Variants in SPATA17 observed in about 807,000 individuals in gnomAD.
The protein encoded by SPATA17 is spermatogenesis-associated protein 17.
Under a neutral mutation model 62.2 loss-of-function variants are expected in SPATA17, and 53 were observed. The ratio of observed to expected loss-of-function variants is 0.85; its 90% CI spans 0.68 to 1.07. The LOEUF (loss-of-function observed/expected upper bound fraction) is 1.07. SPATA17 is among the 50% of genes least tolerant of loss of function. SPATA17 has a pLI of 0.00. For missense variants in SPATA17, 466 were observed against 425.5 expected (o/e 1.10, Z -0.84); for synonymous variants, 146 against 146.8 (o/e 0.99, Z 0.04).
intron 6 of SPATA17, among the ~76,000 whole-genome samples, chr1:217,753,220 C>G (rs920556923): frequency 2.0e-5 from 3 of 152,206 alleles, no homozygotes; most frequent in Non-Finnish European, 2.9e-5. Flanking sequence ...GGCCCCAAAG[C>G]TTAAGCTTCC....
chr1:217,733,015 G>GA (rs368658947), intron 5 of SPATA17, among the ~76,000 whole-genome samples: 101 of 150,122 alleles, frequency 6.7e-4, no homozygotes, highest in East Asian at 2.0e-3. Context: ...GCCAGAAGCA[G>GA]AAAAAAAAAT....
chr1:217,774,370 C>T lies in SPATA17; in HGVS notation c.556C>T (p.Pro186Ser), dbSNP rs138799092. Residue 186 changes from proline (P) to serine (S), a missense_variant, in exon 7 of 11, where the codon CCT (proline) becomes TCT (serine). Transcript: ENST00000366933. ...GIYNSPFRKE[P>S]DPWELQLQKA... ...ATACAATTCACCCTTCAGAAAAGAG[C>T]CTGATCCATGGGAGCTGCAATTACA... The T allele has an allele frequency of 2.0e-5, 32 of 1,613,876 alleles. No individual in the cohort carries two copies. Among genetic ancestry groups the T allele is most frequent in the African/African-American group, 6.7e-5 (5 of 74,916 alleles).
intron 5 of SPATA17, among the ~76,000 whole-genome samples, chr1:217,724,068 T>TA (rs1368518409): frequency 1.3e-5 from 2 of 152,242 alleles, no homozygotes; most frequent in Admixed American, 1.3e-4. Flanking sequence ...CATGACAAGT[T>TA]ACATTTTCTA....
intron 9 of SPATA17, among the ~76,000 whole-genome samples, chr1:217,841,057 T>C (rs1336658461): frequency 6.6e-6 from 1 of 151,882 alleles, no homozygotes; most frequent in African/African-American, 2.4e-5. Context: ...TTTCTTTTGG[T>C]TTTCATAATT....
intron 9 of SPATA17, among the ~76,000 whole-genome samples, chr1:217,860,642 T>C (rs1675880549): frequency 1.3e-5 from 2 of 152,192 alleles, no homozygotes; most frequent in Non-Finnish European, 2.9e-5. Context: ...CTATTTTGTC[T>C]GAAATTAATA....
At chr1:217,752,530 C>G (rs1207188491) in intron 6 of SPATA17, among the ~76,000 whole-genome samples, 2 of 152,100 alleles carry the variant, frequency 1.3e-5, no homozygotes, top group East Asian at 3.8e-4. Flanking sequence ...GTTATACTTT[C>G]TGAAGTGAGA....
intron 10 of SPATA17, among the ~76,000 whole-genome samples, chr1:217,866,254 G>A (rs1676008501): frequency 6.6e-6 from 1 of 152,128 alleles, no homozygotes; most frequent in African/African-American, 2.4e-5. Context: ...TAGTGAATTG[G>A]CAAAGAGAAA....
At chr1:217,753,933 T>C (rs921440064) in intron 6 of SPATA17, among the ~76,000 whole-genome samples, 8 of 152,038 alleles carry the variant, frequency 5.3e-5, no homozygotes, top group South Asian at 2.1e-4. Flanking sequence ...TTTTTATTGG[T>C]TTTATATAAA....
chr1:217,654,717 CTTTTT>C (rs199930213), intron 3 of SPATA17, among the ~76,000 whole-genome samples: 2 of 134,608 alleles, frequency 1.5e-5, no homozygotes, highest in African/African-American at 5.5e-5. Flanking sequence ...TTTACATAAT[CTTTTT>C]TTTTTTTTTT....
chr1:217,803,268 C>T (rs1166962512), intron 9 of SPATA17, among the ~76,000 whole-genome samples: 2 of 152,010 alleles, frequency 1.3e-5, no homozygotes, highest in Non-Finnish European at 2.9e-5. Context: ...CTAGCCAGAG[C>T]AGTTAGGCAA....
chr1:217,672,721 T>A (rs1332289051), intron 4 of SPATA17, among the ~76,000 whole-genome samples: 3 of 152,188 alleles, frequency 2.0e-5, no homozygotes, highest in African/African-American at 7.2e-5. Flanking sequence ...AAGGGTCACC[T>A]TTTCTCTAAA....
chr1:217,830,391 A>G (rs1032613203), intron 9 of SPATA17, among the ~76,000 whole-genome samples: 1 of 152,080 alleles, frequency 6.6e-6, no homozygotes, highest in Non-Finnish European at 1.5e-5. Context: ...CATAATGTGC[A>G]CCAACAAGCA....
chr1:217,684,399 A>G (rs1671168756), intron 5 of SPATA17, among the ~76,000 whole-genome samples: 1 of 152,124 alleles, frequency 6.6e-6, no homozygotes, highest in South Asian at 2.1e-4. Context: ...CATATATCAT[A>G]TATCATCTTA....
intron 9 of SPATA17, among the ~76,000 whole-genome samples, chr1:217,853,648 T>C (rs1245491696): frequency 6.6e-6 from 1 of 152,186 alleles, no homozygotes; most frequent in Non-Finnish European, 1.5e-5. Context: ...TAACGAACCA[T>C]TGTTCCTACA....
At chr1:217,644,037 A>C (rs558017271) in intron 1 of SPATA17, among the ~76,000 whole-genome samples, 1 of 152,210 alleles carries the variant, frequency 6.6e-6, no homozygotes, top group East Asian at 1.9e-4. Context: ...AGGAAACAAA[A>C]TCTTTTTGAA....
At chr1:217,639,768 C>G (rs1185155053) in intron 1 of SPATA17, among the ~76,000 whole-genome samples, 1 of 152,072 alleles carries the variant, frequency 6.6e-6, no homozygotes, top group Non-Finnish European at 1.5e-5. Context: ...TTGTCCCACT[C>G]TCACATAATA....
At chr1:217,688,848 T>G (rs2102910313) in intron 5 of SPATA17, among the ~76,000 whole-genome samples, 1 of 151,918 alleles carries the variant, frequency 6.6e-6, no homozygotes, top group African/African-American at 2.4e-5. Context: ...GGAAAGGAGC[T>G]GACACTTGAA....
intron 9 of SPATA17, among the ~76,000 whole-genome samples, chr1:217,843,198 C>G (rs1382828749): frequency 6.6e-6 from 1 of 152,114 alleles, no homozygotes; most frequent in Non-Finnish European, 1.5e-5. Flanking sequence ...GCACAGCATT[C>G]TACATTCATC....
In SPATA17 at chr1:217,637,317, C is replaced by T. The variant is rs542199361; in HGVS notation, c.68+5871C>T. ...ATAAAGAAGATCAAAGATCTAGTGA[C>T]GTTTGATCCGTTTCAGTCCACATTT... On this transcript the variant is annotated intron_variant, in intron 1 of 10. Coordinates refer to ENST00000366933, the MANE Select transcript of SPATA17 (RefSeq NM_138796.4). Among the ~76,000 whole-genome samples, 48 of 152,178 alleles carry T rather than the reference C, an allele frequency of 3.2e-4. 1 individual carries two copies. Among genetic ancestry groups the T allele is most frequent in the African/African-American group, 9.6e-4 (40 of 41,518 alleles).
Sources: gnomAD v4.1 joint callset for allele counts (sites outside exome capture counted in the v4.1 genomes callset) on GRCh38, gnomAD v4.1.1 for gene constraint, MANE v1.5 for transcripts, NCBI Gene and HGNC (gene_info 2026-07-23, HGNC 2026-07-21) for gene names.